The following TRPM3 variants were observed in gnomAD, a reference collection of about 807,000 sequenced individuals.
TRPM3 encodes the protein transient receptor potential cation channel subfamily M member 3, also known as long transient receptor potential channel 3.
In TRPM3, 77 loss-of-function variants were observed where a neutral mutation model predicts 181.2. The ratio of observed to expected loss-of-function variants is 0.42; its 90% CI spans 0.35 to 0.51. The LOEUF (loss-of-function observed/expected upper bound fraction) is 0.51. Ranked by LOEUF, TRPM3 falls within the 20% of genes least tolerant of loss-of-function variation. The pLI, the probability that TRPM3 is intolerant of heterozygous loss-of-function variation, is 0.01. For missense variants in TRPM3, 1,759 were observed against 2,196.7 expected (o/e 0.80, Z 3.98); for synonymous variants, 745 against 796.4 (o/e 0.94, Z 1.09).
chr9:71,342,036 C>T (rs921517375), intron 1 of TRPM3, among the ~76,000 whole-genome samples: 5 of 151,612 alleles, frequency 3.3e-5, no homozygotes, highest in African/African-American at 7.3e-5. Flanking sequence ...CTTATGCAGA[C>T]GAAACACTTC....
chr9:70,551,159 A>C (rs1365797925), intron 24 of TRPM3, among the ~76,000 whole-genome samples: 1 of 152,234 alleles, frequency 6.6e-6, no homozygotes, highest in South Asian at 2.1e-4. Flanking sequence ...AAATTTTAAC[A>C]ATAAAAATTA....
At chr9:71,039,405 T>C (rs2058576357) in intron 1 of TRPM3, among the ~76,000 whole-genome samples, 1 of 152,172 alleles carries the variant, frequency 6.6e-6, no homozygotes, top group Non-Finnish European at 1.5e-5. Flanking sequence ...GACATTTAAG[T>C]TTTAAGTCAT....
chr9:70,603,535 C>A, intron 19 of TRPM3, 65 bp from the exon 20 acceptor site: 1 of 1,590,806 alleles, frequency 6.3e-7, no homozygotes, highest in Non-Finnish European at 8.6e-7. Context: ...TCAGCCAAGG[C>A]CACTGCACAG....
chr9:70,963,392 C>A (rs1004218408), intron 1 of TRPM3, among the ~76,000 whole-genome samples: 2 of 152,036 alleles, frequency 1.3e-5, no homozygotes, highest in Admixed American at 6.6e-5. Context: ...TTATTCCATA[C>A]AAATATAGTT....
At chr9:70,677,616 T>C (rs2064332360) in intron 9 of TRPM3, among the ~76,000 whole-genome samples, 2 of 152,370 alleles carry the variant, frequency 1.3e-5, no homozygotes, top group East Asian at 1.9e-4. Flanking sequence ...CATCAGACTC[T>C]TTCTGTGTAA....
rs567116454 is a variant in TRPM3 at position 70,834,983 on chromosome 9, A to G, written c.802-6965T>C. On this transcript the variant is annotated intron_variant, in intron 5 of 25. Coordinates refer to ENST00000677713, the MANE Select transcript of TRPM3 (RefSeq NM_001366145.2). ...GGGAAGTGTCTGGGTCATGGGGTAG[A>G]TCCTTCATGAATGACTTGGTGCCCT... Among the ~76,000 whole-genome samples the G allele has an allele frequency of 1.9e-4, 29 of 152,284 alleles. No homozygotes were observed. In the South Asian group the frequency reaches 5.8e-3, roughly 30 times the overall value.
intron 22 of TRPM3, among the ~76,000 whole-genome samples, chr9:70,582,176 CTGTGCG>C (rs1554762495): frequency 2.6e-5 from 2 of 77,926 alleles, no homozygotes; most frequent in Non-Finnish European, 5.3e-5. Flanking sequence ...CGCCTCCACC[CTGTGCG>C]TGTGTGTGTG....
At chr9:70,680,035 T>C (rs950649784) in intron 9 of TRPM3, among the ~76,000 whole-genome samples, 3 of 152,154 alleles carry the variant, frequency 2.0e-5, no homozygotes, top group African/African-American at 7.2e-5. Context: ...ATGATATGAT[T>C]CATGGGATTG....
At chr9:71,427,211 A>G (rs1002202226) in intron 1 of TRPM3, among the ~76,000 whole-genome samples, 7 of 152,134 alleles carry the variant, frequency 4.6e-5, no homozygotes, top group Admixed American at 2.6e-4. Flanking sequence ...GGTGATACAC[A>G]TCTCTCCTTA....
At chr9:70,663,952 T>TA (rs1339317481) in intron 9 of TRPM3, among the ~76,000 whole-genome samples, 3 of 152,206 alleles carry the variant, frequency 2.0e-5, no homozygotes, top group African/African-American at 7.2e-5. Flanking sequence ...CTCCAAGACT[T>TA]AGTTTCTTCA....
intron 1 of TRPM3, among the ~76,000 whole-genome samples, chr9:71,031,972 T>TTATATATATAATTATATATATATATTA (rs2057377906): frequency 3.2e-3 from 2 of 632 alleles, no homozygotes; most frequent in African/African-American, 4.8e-3. Context: ...TATATATATA[T>TTATATATATAATTATATATATATATTA]TATATATATA....
intron 1 of TRPM3, among the ~76,000 whole-genome samples, chr9:71,210,906 G>GT (rs2079454731): frequency 6.6e-6 from 1 of 152,182 alleles, no homozygotes; most frequent in South Asian, 2.1e-4. Flanking sequence ...GACAGAGAAC[G>GT]TAAGAAGGCA....
intron 1 of TRPM3, among the ~76,000 whole-genome samples, chr9:71,204,211 T>C (rs2078981774): frequency 6.6e-6 from 1 of 150,576 alleles, no homozygotes; most frequent in Non-Finnish European, 1.5e-5. Flanking sequence ...AATTGACAAA[T>C]GGGATCTAAT....
chr9:71,434,680 T>C (rs1350309348), intron 1 of TRPM3, among the ~76,000 whole-genome samples: 1 of 152,188 alleles, frequency 6.6e-6, no homozygotes, highest in Non-Finnish European at 1.5e-5. Flanking sequence ...CTAGACTTCT[T>C]CACAAAGCCA....
At chr9:71,185,163 C>T (rs963117744) in intron 1 of TRPM3, among the ~76,000 whole-genome samples, 1 of 151,972 alleles carries the variant, frequency 6.6e-6, no homozygotes, top group Non-Finnish European at 1.5e-5. Flanking sequence ...TGGGGGAAGC[C>T]ACACACTCTA....
Position 71,194,931 on chromosome 9 carries a change from C to G in TRPM3, c.183+251722G>C, listed in dbSNP as rs75429801. ...AAGAATAATCACTTTGAATCAATTT[C>G]TAAGTACGTCCTTAAGGATCATGAC... On this transcript the variant is annotated intron_variant, in intron 1 of 24. Transcript: ENST00000357533. Among the ~76,000 whole-genome samples the G allele has an allele frequency of 1.4e-3, 215 of 152,066 alleles. 1 individual carries two copies. Among genetic ancestry groups the G allele is most frequent in the African/African-American group, 5.0e-3 (207 of 41,532 alleles).
intron 17 of TRPM3, 43 bp downstream of exon 17, chr9:70,618,824 C>T (rs1257135592): frequency 5.1e-6 from 8 of 1,563,994 alleles, no homozygotes; most frequent in East Asian, 2.2e-5. Flanking sequence ...CTAACCCACC[C>T]GCCGGTCCTC....
intron 1 of TRPM3, among the ~76,000 whole-genome samples, chr9:70,879,544 A>G (rs1432575359): frequency 6.6e-6 from 1 of 151,986 alleles, no homozygotes; most frequent in South Asian, 2.1e-4. Flanking sequence ...CTATATTCTC[A>G]TGATGTTCTC....
intron 1 of TRPM3, among the ~76,000 whole-genome samples, chr9:71,107,834 TA>T (rs1165696530): frequency 6.6e-6 from 1 of 152,210 alleles, no homozygotes; most frequent in Non-Finnish European, 1.5e-5. Flanking sequence ...TCAAAAATCA[TA>T]AAAATTTTTT....
Sources: allele counts gnomAD v4.1 joint callset (sites outside exome capture counted in the v4.1 genomes callset), GRCh38; gene constraint gnomAD v4.1.1; transcripts MANE v1.5; gene names NCBI Gene and HGNC (gene_info 2026-07-23, HGNC 2026-07-21).